The following HIPK3 variants were observed in gnomAD, a reference collection of about 807,000 sequenced individuals.
The protein encoded by HIPK3 is homeodomain-interacting protein kinase 3.
HIPK3 carries 47 observed loss-of-function variants against 124.2 expected under a neutral mutation model. The observed-to-expected ratio is 0.38, with a 90% CI of 0.30 to 0.48. HIPK3 has a LOEUF of 0.48. Ranked by LOEUF, HIPK3 falls within the 20% of genes least tolerant of loss-of-function variation. HIPK3 has a pLI of 0.98. For missense variants in HIPK3, 1,286 were observed against 1,454.3 expected (o/e 0.88, Z 1.88); for synonymous variants, 482 against 515.2 (o/e 0.94, Z 0.87).
In HIPK3 at chr11:33,348,723, CATT is replaced by C. The variant is rs756334939; in HGVS notation, c.2575_2577del (p.Ile859del). The C allele has an allele frequency of 3.7e-6, 6 of 1,613,988 alleles. No individual in the cohort carries two copies. The Admixed American group carries it at 8.3e-5, about 22-fold the overall frequency. On this transcript the variant is annotated inframe_deletion, in exon 13 of 17. Coordinates refer to ENST00000303296, the MANE Select transcript of HIPK3 (RefSeq NM_005734.5). ...TTTCAGACAAACAGCGGCAAACCATCATTATTGCCGACTCCCCGAGTCCTGCAG... is the reference window on the plus strand; with the variant it reads ...TTTCAGACAAACAGCGGCAAACCATCATTGCCGACTCCCCGAGTCCTGCAG...
At chr11:33,300,355 AAAAAAAGAACTTGCAGCCATTTT>A (rs1166878225) in intron 2 of HIPK3, among the ~76,000 whole-genome samples, 1 of 152,074 alleles carries the variant, frequency 6.6e-6, no homozygotes, top group Admixed American at 6.6e-5. Context: ...TCGCAAAAAA[AAAAAAAGAACTTGCAGCCATTTT>A]AACCTTCAGC....
At position 33,340,971 on chromosome 11, in the gene HIPK3, A is replaced by G. The variant is rs1853314930; in HGVS notation, c.1617A>G (p.Val539=). The change falls in exon 7 of 17, where the codon GTA becomes GTG. Residue 539 remains valine (V), a synonymous_variant. Coordinates refer to ENST00000303296, the MANE Select transcript of HIPK3 (RefSeq NM_005734.5). ...HLLDFPHSNH[V]KSCFHIMDIC... Reference sequence around the variant, plus strand: ...ACCTTCACTTTTTCTTTTACAGTGTAAAGTCCTGTTTTCATATTATGGATA... The same window carrying G: ...ACCTTCACTTTTTCTTTTACAGTGTGAAGTCCTGTTTTCATATTATGGATA... 3 of 1,576,376 alleles carry G rather than the reference A, an allele frequency of 1.9e-6. No individual in the cohort carries two copies. The highest frequency in any genetic ancestry group is 2.7e-5 in the African/African-American group (2 of 73,902).
chr11:33,321,300 TGGG>T (rs1197398030), intron 2 of HIPK3, among the ~76,000 whole-genome samples: 1 of 152,104 alleles, frequency 6.6e-6, no homozygotes, highest in Non-Finnish European at 1.5e-5. Flanking sequence ...GAGTTCAAGA[TGGG>T]GGTGGAGTTG....
chr11:33,331,084 T>C (rs1305077819), intron 3 of HIPK3, among the ~76,000 whole-genome samples: 2 of 152,020 alleles, frequency 1.3e-5, no homozygotes, highest in Non-Finnish European at 2.9e-5. Flanking sequence ...GGTTTCATCA[T>C]ATTGACGAGG....
At chr11:33,317,520 G>C (rs1427638733) in intron 2 of HIPK3, among the ~76,000 whole-genome samples, 1 of 151,972 alleles carries the variant, frequency 6.6e-6, no homozygotes, top group African/African-American at 2.4e-5. Context: ...TCCCAGCTTG[G>C]CCTCCCAAAG....
intron 2 of HIPK3, among the ~76,000 whole-genome samples, chr11:33,322,693 G>A (rs991379557): frequency 3.3e-5 from 5 of 152,132 alleles, no homozygotes; most frequent in African/African-American, 1.2e-4. Context: ...TGGCATGGTG[G>A]CACATGCCTG....
At chr11:33,336,167 G>A (rs964402496) in intron 3 of HIPK3, among the ~76,000 whole-genome samples, 1 of 152,160 alleles carries the variant, frequency 6.6e-6, no homozygotes, top group South Asian at 2.1e-4. Context: ...GTCATGGAAG[G>A]CCTGGTCAAT....
intron 2 of HIPK3, among the ~76,000 whole-genome samples, chr11:33,298,886 G>T (rs1851913020): frequency 6.6e-6 from 1 of 152,010 alleles, no homozygotes; most frequent in South Asian, 2.1e-4. Flanking sequence ...AGTCTGTGTT[G>T]CCCAGGCTGG....
chr11:33,299,329 G>A (rs554635240), intron 2 of HIPK3, among the ~76,000 whole-genome samples: 86 of 151,778 alleles, frequency 5.7e-4, no homozygotes, highest in Non-Finnish European at 9.9e-4. Context: ...AAAATTAGCC[G>A]GGCACAGTGG....
At chr11:33,279,205 T>C (rs1394201104) in intron 1 of HIPK3, among the ~76,000 whole-genome samples, 1 of 149,720 alleles carries the variant, frequency 6.7e-6, no homozygotes, top group Admixed American at 6.7e-5. Flanking sequence ...TCCCAGCTAC[T>C]TGGGAGGCTG....
At chr11:33,301,261 C>G (rs765822147) in intron 2 of HIPK3, among the ~76,000 whole-genome samples, 1 of 152,150 alleles carries the variant, frequency 6.6e-6, no homozygotes, top group Non-Finnish European at 1.5e-5. Context: ...GTATTTGCAG[C>G]TCTTTTATTC....
chr11:33,258,319 G>T, intron 1 of HIPK3: 1 of 985,494 alleles, frequency 1.0e-6, no homozygotes, highest in Non-Finnish European at 1.2e-6. Context: ...TAACTACGGA[G>T]ATCCCTTTCC....
At chr11:33,335,494 A>C (rs1853115256) in intron 3 of HIPK3, among the ~76,000 whole-genome samples, 1 of 152,232 alleles carries the variant, frequency 6.6e-6, no homozygotes, top group Non-Finnish European at 1.5e-5. Context: ...TCTGTTACTA[A>C]CAGGCCATTA....
chr11:33,294,899 A>C (rs1851797216), intron 2 of HIPK3, among the ~76,000 whole-genome samples: 1 of 152,134 alleles, frequency 6.6e-6, no homozygotes, highest in Non-Finnish European at 1.5e-5. Flanking sequence ...GTCCTTCATC[A>C]CATGTTTACA....
intron 1 of HIPK3, among the ~76,000 whole-genome samples, chr11:33,267,792 G>A (rs1039340874): frequency 6.6e-6 from 1 of 152,156 alleles, no homozygotes; most frequent in Non-Finnish European, 1.5e-5. Flanking sequence ...CACCGTACCC[G>A]GCCGGAATAT....
In HIPK3 at chr11:33,286,521, A is replaced by C; in HGVS notation, c.107A>C (p.Gln36Pro). Residue 36 changes from glutamine (Q) to proline (P), a missense_variant, in exon 2 of 17, where the codon CAG (glutamine) becomes CCG (proline). Around this residue, in one of 3 missense-constraint regions of HIPK3, gnomAD observed 225 missense variants for 240.3 expected, o/e 0.94. Transcript: ENST00000303296. The part of the protein sequence containing the change: ...LKVEPSSCVF[Q>P]ERNYPRTYVN... ...GTAGAGCCAAGCAGTTGTGTATTCC[A>C]GGAAAGAAACTATCCACGGACCTAT... is the stretch of plus-strand genomic sequence containing the variant. 6.2e-7 allele frequency: 1 copy of C among 1,613,876 alleles called. No homozygotes were observed. Among genetic ancestry groups the C allele is most frequent in the Non-Finnish European group, 8.5e-7 (1 of 1,180,000 alleles).
chr11:33,266,532 A>T (rs941447495), intron 1 of HIPK3, among the ~76,000 whole-genome samples: 21 of 152,110 alleles, frequency 1.4e-4, no homozygotes, highest in Admixed American at 9.8e-4. Flanking sequence ...ACCTTTTCCT[A>T]CCGAAAAACA....
chr11:33,319,616 A>G (rs1296251596), intron 2 of HIPK3, among the ~76,000 whole-genome samples: 1 of 152,194 alleles, frequency 6.6e-6, no homozygotes, highest in Non-Finnish European at 1.5e-5. Flanking sequence ...GTAAGAGTCC[A>G]TTGGTTCATA....
At chr11:33,277,472 A>G (rs566618078) in intron 1 of HIPK3, among the ~76,000 whole-genome samples, 2 of 152,316 alleles carry the variant, frequency 1.3e-5, no homozygotes, top group East Asian at 1.9e-4. Flanking sequence ...TGACCTAACA[A>G]TTGGTATATT....
Sources: gnomAD v4.1 joint callset for allele counts (sites outside exome capture counted in the v4.1 genomes callset) on GRCh38, gnomAD v4.1.1 for gene constraint, gnomAD v4.1.1 regional missense constraint, MANE v1.5 for transcripts, NCBI Gene and HGNC (gene_info 2026-07-23, HGNC 2026-07-21) for gene names.